GAP43: variants seen among roughly 807,000 people sequenced by gnomAD.
The protein encoded by GAP43 is neuromodulin.
Under a neutral mutation model 18.6 loss-of-function variants are expected in GAP43, and 6 were observed. The observed-to-expected ratio is 0.32, with a 90% CI of 0.18 to 0.64. GAP43 has a LOEUF of 0.64. GAP43 is among the 30% of genes least tolerant of loss of function. The pLI is 0.78. For synonymous variants in GAP43, 115 were observed against 111.4 expected (o/e 1.03, Z -0.20); for missense variants, 292 against 295.5 (o/e 0.99, Z 0.09).
chr3:115,700,007 G>T (rs1245184178), intron 2 of GAP43, among the ~76,000 whole-genome samples: 3 of 152,128 alleles, frequency 2.0e-5, no homozygotes, highest in African/African-American at 7.2e-5. Flanking sequence ...TATAAGAAAG[G>T]GCCTTAAATG....
intron 2 of GAP43, among the ~76,000 whole-genome samples, chr3:115,711,473 G>A (rs141858780): frequency 5.4e-5 from 8 of 147,698 alleles, no homozygotes; most frequent in Admixed American, 3.5e-4. Context: ...TTGGGCACAC[G>A]TGGGATTTTT....
Position 115,676,331 on chromosome 3 carries a change from G to A in GAP43, c.349G>A (p.Asp117Asn), listed in dbSNP as rs887982973. 1.2e-6 allele frequency: 2 copies of A among 1,614,026 alleles called. No individual in the cohort carries two copies. Among genetic ancestry groups the A allele is most frequent in the Admixed American group, 1.7e-5 (1 of 60,006 alleles). ...TTCCGAGGAGAAGAAGGGGGAGGGT[G>A]ATGCTGCCACAGAGCAGGCAGCCCC... ...TPSEEKKGEGDAATEQAAPQA... is the reference protein window; with the variant it reads ...TPSEEKKGEGNAATEQAAPQA... The change falls in exon 2 of 3, where the codon GAT (aspartate) becomes AAT (asparagine). Residue 117 changes from aspartate (D) to asparagine (N), a missense_variant. Physicochemically the swap from Asp to Asn is conservative, Grantham distance 23 (BLOSUM62 1). Coordinates refer to ENST00000305124, the MANE Select transcript of GAP43 (RefSeq NM_002045.4).
chr3:115,628,685 A>T (rs1389073255), intron 1 of GAP43, among the ~76,000 whole-genome samples: 2 of 152,074 alleles, frequency 1.3e-5, no homozygotes, highest in African/African-American at 4.8e-5. Flanking sequence ...CTCTCAGATA[A>T]GACCCTGCTC....
chr3:115,667,793 C>T (rs185142566), intron 1 of GAP43, among the ~76,000 whole-genome samples: 105 of 152,296 alleles, frequency 6.9e-4, no homozygotes, highest in Non-Finnish European at 1.1e-3. Context: ...CTTCTGTCTT[C>T]AGTTGCTAGC....
At chr3:115,720,732 C>A (rs562305748) in intron 2 of GAP43, 62 bp from the exon 3 acceptor site, 4 of 1,048,868 alleles carry the variant, frequency 3.8e-6, no homozygotes, top group African/African-American at 1.6e-5. Context: ...GTTGTATGAG[C>A]AGATAAGACA....
At chr3:115,701,770 A>C (rs1709300135) in intron 2 of GAP43, among the ~76,000 whole-genome samples, 1 of 152,048 alleles carries the variant, frequency 6.6e-6, no homozygotes, top group African/African-American at 2.4e-5. Context: ...CCATAATCAT[A>C]AGCCTCAGAC....
intron 2 of GAP43, among the ~76,000 whole-genome samples, chr3:115,710,042 A>T (rs1278796272): frequency 6.6e-6 from 1 of 152,064 alleles, no homozygotes; most frequent in Non-Finnish European, 1.5e-5. Context: ...TTTCTCTCAA[A>T]TTTCAAAATA....
chr3:115,633,389 G>T (rs545881850), intron 1 of GAP43, among the ~76,000 whole-genome samples: 2 of 152,136 alleles, frequency 1.3e-5, no homozygotes, highest in Admixed American at 6.6e-5. Flanking sequence ...GCCCACACTT[G>T]TAAATCTAGT....
chr3:115,697,304 T>TATC (rs1472472759), intron 2 of GAP43, among the ~76,000 whole-genome samples: 2 of 152,218 alleles, frequency 1.3e-5, no homozygotes, highest in Admixed American at 1.3e-4. Context: ...GCTCAATAAA[T>TATC]ATCAATTCAT....
chr3:115,668,733 A>G (rs1262414469), intron 1 of GAP43, among the ~76,000 whole-genome samples: 1 of 152,030 alleles, frequency 6.6e-6, no homozygotes. Context: ...CACTTTCACC[A>G]GTTTTGCTAG....
At chr3:115,715,260 T>A (rs1421329793) in intron 2 of GAP43, among the ~76,000 whole-genome samples, 1 of 152,196 alleles carries the variant, frequency 6.6e-6, no homozygotes, top group African/African-American at 2.4e-5. Context: ...TATTAAGTTT[T>A]AATGTTTAAT....
intron 2 of GAP43, among the ~76,000 whole-genome samples, chr3:115,689,105 C>G (rs1709070513): frequency 6.6e-6 from 1 of 152,222 alleles, no homozygotes; most frequent in African/African-American, 2.4e-5. Flanking sequence ...GCCCTGGCCT[C>G]TTGGCACTCA....
chr3:115,684,531 G>A (rs1318794625), intron 2 of GAP43, among the ~76,000 whole-genome samples: 1 of 151,582 alleles, frequency 6.6e-6, no homozygotes, highest in African/African-American at 2.4e-5. Context: ...GGCTGCCCAA[G>A]AGTTCAGACT....
chr3:115,717,718 A>G (rs1709528588), intron 2 of GAP43, among the ~76,000 whole-genome samples: 2 of 150,782 alleles, frequency 1.3e-5, no homozygotes, highest in Admixed American at 1.3e-4. Flanking sequence ...GGCACAGTGC[A>G]GGTGTCCAGT....
chr3:115,629,408 C>CTTT (rs35316613), intron 1 of GAP43, among the ~76,000 whole-genome samples: 3 of 144,676 alleles, frequency 2.1e-5, no homozygotes, highest in African/African-American at 5.1e-5. Flanking sequence ...CCCCCCTGCT[C>CTTT]TTTTTTTTTT....
At chr3:115,709,410 C>T (rs1709406172) in intron 2 of GAP43, among the ~76,000 whole-genome samples, 1 of 152,166 alleles carries the variant, frequency 6.6e-6, no homozygotes, top group Admixed American at 6.5e-5. Flanking sequence ...AGGCTGAAAT[C>T]CCAGCTCAGA....
chr3:115,716,231 G>T (rs1417802781), intron 2 of GAP43, among the ~76,000 whole-genome samples: 1 of 152,130 alleles, frequency 6.6e-6, no homozygotes, highest in East Asian at 1.9e-4. Flanking sequence ...TTTATCTAGG[G>T]TTGACATCAG....
intron 1 of GAP43, among the ~76,000 whole-genome samples, chr3:115,639,552 A>C (rs1708371984): frequency 6.6e-6 from 1 of 152,074 alleles, no homozygotes; most frequent in Non-Finnish European, 1.5e-5. Flanking sequence ...AGTTACATGT[A>C]CACTGTCTCT....
Position 115,683,128 on chromosome 3 carries a change from C to CGCGT in GAP43, c.628+6521_628+6522insTGCG, listed in dbSNP as rs769929060. Among the ~76,000 whole-genome samples the CGCGT allele has an allele frequency of 3.7e-3, 457 of 124,514 alleles. 3 individuals carry two copies. Among genetic ancestry groups the CGCGT allele is most frequent in the Middle Eastern group, 0.013 (3 of 232 alleles). 81.7% of individuals were successfully genotyped at this position (124,514 alleles called of 152,430 possible). On this transcript the variant is annotated intron_variant, in intron 2 of 2. Transcript: ENST00000305124. ...TCTTTTTTCTCTACATACATGTGCG[C>CGCGT]GCGCGTGCGCGCGCGCGCGCACACA...
Sources: gnomAD v4.1 joint callset for allele counts (sites outside exome capture counted in the v4.1 genomes callset) on GRCh38, gnomAD v4.1.1 for gene constraint, MANE v1.5 for transcripts, NCBI Gene and HGNC (gene_info 2026-07-23, HGNC 2026-07-21) for gene names.